The following CDH18 variants were observed in gnomAD, a reference collection of about 807,000 sequenced individuals.
CDH18 encodes the protein cadherin-18.
CDH18 carries 31 observed loss-of-function variants against 67.9 expected under a neutral mutation model. The ratio of observed to expected loss-of-function variants is 0.46; its 90% CI spans 0.34 to 0.62. The LOEUF is 0.62. CDH18 is among the 20% of genes least tolerant of loss of function. The pLI is 0.01. For synonymous variants in CDH18, 362 were observed against 347.2 expected (o/e 1.04, Z -0.48); for missense variants, 890 against 975.5 (o/e 0.91, Z 1.17).
intron 12 of CDH18, among the ~76,000 whole-genome samples, chr5:19,478,255 TC>T (rs1339938037): frequency 6.6e-6 from 1 of 152,130 alleles, no homozygotes; most frequent in African/African-American, 2.4e-5. Flanking sequence ...AACATACTCC[TC>T]CCTAAGTAGC....
At chr5:20,440,323 A>G (rs1749515644) in intron 1 of CDH18, among the ~76,000 whole-genome samples, 2 of 151,856 alleles carry the variant, frequency 1.3e-5, no homozygotes, top group South Asian at 2.1e-4. Flanking sequence ...TGTGCAATGT[A>G]CAGCAGGCAA....
At chr5:19,675,453 C>T (rs1381447428) in intron 5 of CDH18, among the ~76,000 whole-genome samples, 1 of 151,956 alleles carries the variant, frequency 6.6e-6, no homozygotes, top group Non-Finnish European at 1.5e-5. Flanking sequence ...ATTTCAGAGG[C>T]CTCCCCTTAG....
intron 1 of CDH18, among the ~76,000 whole-genome samples, chr5:20,302,491 G>A (rs536354382): frequency 2.0e-5 from 3 of 152,152 alleles, no homozygotes; most frequent in African/African-American, 7.2e-5. Context: ...CTCTCTCTGC[G>A]CGGATTCATC....
chr5:20,137,455 A>G (rs964484557), intron 2 of CDH18, among the ~76,000 whole-genome samples: 6 of 151,984 alleles, frequency 3.9e-5, no homozygotes, highest in Non-Finnish European at 8.8e-5. Context: ...GGTCTTCTCT[A>G]TGCTGTTTAT....
chr5:19,550,415 C>T (rs1414632171), intron 8 of CDH18, among the ~76,000 whole-genome samples: 1 of 151,206 alleles, frequency 6.6e-6, no homozygotes, highest in Non-Finnish European at 1.5e-5. Flanking sequence ...CCTCCCCACT[C>T]CCCCCACCCC....
Position 20,265,059 on chromosome 5 carries a change from C to T in CDH18, c.-579-9554G>A, listed in dbSNP as rs558218499. On this transcript the variant is annotated intron_variant, in intron 1 of 14. Transcript: ENST00000507958. ...TAAATAAACTCAATTCAATCTCAGA[C>T]GAATGTCACCATTATCTCAATTTTG... 7.2e-5 allele frequency among the ~76,000 whole-genome samples: 11 copies of T among 152,236 alleles called. No individual in the cohort carries two copies. The South Asian group carries it at 1.4e-3, about 20-fold the overall frequency.
rs570106953 is a variant in CDH18 at position 20,516,559 on chromosome 5, G to T, written c.-580+58903C>A. 1.2e-4 allele frequency among the ~76,000 whole-genome samples: 18 copies of T among 152,012 alleles called. No individual in the cohort carries two copies. The South Asian group carries it at 3.7e-3, about 32-fold the overall frequency. ...CATATAAAATAAGGAAGTTTCAGAA[G>T]TTTGCAAGCAGTATCTGGGATAAGA... On this transcript the variant is annotated intron_variant, in intron 1 of 14. Transcript: ENST00000507958.
chr5:20,274,859 G>A (rs1745689167), intron 1 of CDH18, among the ~76,000 whole-genome samples: 1 of 151,994 alleles, frequency 6.6e-6, no homozygotes, highest in Non-Finnish European at 1.5e-5. Context: ...CAAATGATGG[G>A]TGAAAATTTA....
At chr5:20,128,251 T>C (rs909548528) in intron 2 of CDH18, among the ~76,000 whole-genome samples, 1 of 151,976 alleles carries the variant, frequency 6.6e-6, no homozygotes, top group African/African-American at 2.4e-5. Flanking sequence ...ACTATGAAAA[T>C]AGAAAATAAA....
intron 5 of CDH18, 53 bp from the exon 6 acceptor site, chr5:19,612,654 CAACA>C: frequency 7.6e-7 from 1 of 1,307,782 alleles, no homozygotes. Flanking sequence ...AAGCAAGTAT[CAACA>C]AACATACACA....
intron 1 of CDH18, among the ~76,000 whole-genome samples, chr5:20,538,180 G>C (rs1756835799): frequency 6.6e-6 from 1 of 152,010 alleles, no homozygotes; most frequent in Non-Finnish European, 1.5e-5. Flanking sequence ...GTAAGAAATG[G>C]GCAGAAAGTC....
chr5:20,174,716 GTA>G (rs1206523573), intron 2 of CDH18, among the ~76,000 whole-genome samples: 2 of 152,106 alleles, frequency 1.3e-5, no homozygotes, highest in African/African-American at 2.4e-5. Context: ...CAATTTGTGT[GTA>G]AAATGATCGG....
At chr5:19,486,428 G>T (rs187692123) in intron 11 of CDH18, among the ~76,000 whole-genome samples, 2 of 151,704 alleles carry the variant, frequency 1.3e-5, no homozygotes, top group Non-Finnish European at 2.9e-5. Context: ...AATAAAATAC[G>T]TCTTGCTGAA....
At chr5:20,130,430 T>A (rs1261586068) in intron 2 of CDH18, among the ~76,000 whole-genome samples, 2 of 149,910 alleles carry the variant, frequency 1.3e-5, no homozygotes, top group East Asian at 4.0e-4. Context: ...CTTACGACTT[T>A]CAACAGACTT....
chr5:20,069,271 C>T (rs1353434363), intron 2 of CDH18, among the ~76,000 whole-genome samples: 4 of 151,968 alleles, frequency 2.6e-5, no homozygotes, highest in Non-Finnish European at 5.9e-5. Context: ...ATTTCTGAGG[C>T]TTTTTGCCAT....
intron 2 of CDH18, among the ~76,000 whole-genome samples, chr5:19,866,203 TATA>T (rs1220748426): frequency 1.3e-5 from 2 of 152,208 alleles, no homozygotes; most frequent in African/African-American, 4.8e-5. Flanking sequence ...GAGGCGTTTC[TATA>T]ATAAAACTCT....
At chr5:20,088,363 A>C (rs1250212182) in intron 2 of CDH18, among the ~76,000 whole-genome samples, 1 of 152,238 alleles carries the variant, frequency 6.6e-6, no homozygotes, top group African/African-American at 2.4e-5. Context: ...TCTAGTAATA[A>C]GTTTCGGAAT....
At chr5:19,670,039 C>T (rs749579503) in intron 5 of CDH18, among the ~76,000 whole-genome samples, 1 of 151,958 alleles carries the variant, frequency 6.6e-6, no homozygotes, top group Admixed American at 6.6e-5. Context: ...CTGGAAGTCC[C>T]ATTTGACATG....
chr5:20,327,707 C>T (rs1472382266), intron 1 of CDH18, among the ~76,000 whole-genome samples: 3 of 151,964 alleles, frequency 2.0e-5, no homozygotes, highest in Admixed American at 2.0e-4. Context: ...AAAAATAAAG[C>T]TAAGGTATCC....
Sources: allele counts gnomAD v4.1 joint callset (sites outside exome capture counted in the v4.1 genomes callset), GRCh38; gene constraint gnomAD v4.1.1; transcripts MANE v1.5; gene names NCBI Gene and HGNC (gene_info 2026-07-23, HGNC 2026-07-21).